Variants in CNTN4 observed in about 807,000 individuals in gnomAD.
CNTN4 encodes the protein contactin 4.
In CNTN4, 77 loss-of-function variants were observed where a neutral mutation model predicts 122.5. The observed-to-expected ratio is 0.63, with a 90% CI of 0.52 to 0.76. CNTN4 has a LOEUF of 0.76. CNTN4 is among the 30% of genes least tolerant of loss of function. The pLI, the probability that CNTN4 is intolerant of heterozygous loss-of-function variation, is 0.00. For missense variants in CNTN4, 1,256 were observed against 1,259.1 expected, an observed-to-expected ratio of 1.00 and a Z score of 0.04; for synonymous variants, 512 against 447.0, an observed-to-expected ratio of 1.15 and a Z score of -1.83.
intron 3 of CNTN4, chr3:2,362,561 C>A: frequency 3.3e-6 from 2 of 602,790 alleles, no homozygotes; most frequent in Non-Finnish European, 6.2e-6. Context: ...ATTAACCAGG[C>A]TGAAGAAGAA....
At chr3:2,446,781 A>G (rs2048641310) in intron 3 of CNTN4, among the ~76,000 whole-genome samples, 1 of 152,222 alleles carries the variant, frequency 6.6e-6, no homozygotes, top group African/African-American at 2.4e-5. Flanking sequence ...TGCCTTAAAA[A>G]TGACAGTGCT....
chr3:2,426,610 T>C (rs1335359706), intron 3 of CNTN4, among the ~76,000 whole-genome samples: 2 of 152,212 alleles, frequency 1.3e-5, no homozygotes, highest in Admixed American at 1.3e-4. Flanking sequence ...GGATTCCTTC[T>C]TTTTCTATTG....
chr3:2,279,997 G>A (rs2041658319), intron 2 of CNTN4, among the ~76,000 whole-genome samples: 1 of 151,640 alleles, frequency 6.6e-6, no homozygotes, highest in African/African-American at 2.4e-5. Flanking sequence ...ATAGAGCTAG[G>A]TATAGATATA....
intron 4 of CNTN4, among the ~76,000 whole-genome samples, chr3:2,701,527 A>G (rs550261066): frequency 3.9e-5 from 6 of 152,130 alleles, no homozygotes; most frequent in Admixed American, 6.5e-5. Context: ...CACTTATCCA[A>G]TTTGTGTTTT....
chr3:2,923,220 A>T (rs550323614), intron 12 of CNTN4, among the ~76,000 whole-genome samples: 4 of 152,334 alleles, frequency 2.6e-5, no homozygotes, highest in African/African-American at 9.6e-5. Context: ...TTATATGTGT[A>T]GAAAGATACA....
intron 2 of CNTN4, among the ~76,000 whole-genome samples, chr3:2,229,437 A>G (rs2039403547): frequency 6.6e-6 from 1 of 152,306 alleles, no homozygotes; most frequent in South Asian, 2.1e-4. Context: ...ATTTCAGTTC[A>G]TAAAAGTCAT....
At chr3:2,837,047 T>C (rs1427688062) in intron 7 of CNTN4, among the ~76,000 whole-genome samples, 1 of 152,214 alleles carries the variant, frequency 6.6e-6, no homozygotes, top group East Asian at 1.9e-4. Context: ...CATTATACCA[T>C]GATTTCTACT....
rs144564592 is a variant in CNTN4 at position 2,179,131 on chromosome 3, C to G, written c.-145+78492C>G. Among the ~76,000 whole-genome samples the G allele has an allele frequency of 2.3e-3, 345 of 152,112 alleles. 3 individuals are homozygous for G. Among genetic ancestry groups the G allele is most frequent in the African/African-American group, 8.0e-3 (334 of 41,532 alleles). ...CAATTAATTTGCAGTTCACCAGTAA[C>G]CATCTGATTATCTCTAACAAAGCTG... On this transcript the variant is annotated intron_variant, in intron 2 of 24. Transcript: ENST00000418658.
At chr3:2,787,488 TTATTGCTATAAAA>T (rs2091874318) in intron 6 of CNTN4, among the ~76,000 whole-genome samples, 1 of 152,212 alleles carries the variant, frequency 6.6e-6, no homozygotes, top group Admixed American at 6.5e-5. Context: ...CATACCGGAA[TTATTGCTATAAAA>T]GCCATAGTGT....
intron 2 of CNTN4, among the ~76,000 whole-genome samples, chr3:2,312,518 T>C (rs2042950363): frequency 6.6e-6 from 1 of 152,004 alleles, no homozygotes; most frequent in Non-Finnish European, 1.5e-5. Flanking sequence ...AAAATTCTTA[T>C]CCCAGTGAGC....
At chr3:2,434,974 C>A (rs1489969247) in intron 3 of CNTN4, among the ~76,000 whole-genome samples, 2 of 152,108 alleles carry the variant, frequency 1.3e-5, no homozygotes, top group South Asian at 4.1e-4. Context: ...GAGAATAATT[C>A]TCTTATACCA....
intron 2 of CNTN4, among the ~76,000 whole-genome samples, chr3:2,119,977 C>T (rs2033613063): frequency 6.6e-6 from 1 of 152,044 alleles, no homozygotes; most frequent in Non-Finnish European, 1.5e-5. Flanking sequence ...AGAAAGGCTT[C>T]TTGGTAAATG....
chr3:2,679,663 C>T (rs2085063717), intron 4 of CNTN4, among the ~76,000 whole-genome samples: 1 of 152,150 alleles, frequency 6.6e-6, no homozygotes, highest in South Asian at 2.1e-4. Context: ...AAGCGAGATC[C>T]AGTGGCCAGA....
chr3:2,823,150 C>A (rs1400122661), intron 7 of CNTN4, among the ~76,000 whole-genome samples: 2 of 152,164 alleles, frequency 1.3e-5, no homozygotes, highest in East Asian at 1.9e-4. Context: ...CTGTGTGTCA[C>A]CCTAAAGCGA....
chr3:2,457,380 A>G (rs1227695532), intron 3 of CNTN4, among the ~76,000 whole-genome samples: 1 of 152,186 alleles, frequency 6.6e-6, no homozygotes, highest in African/African-American at 2.4e-5. Flanking sequence ...TTATATAACA[A>G]ACAACAAAAA....
At chr3:2,924,757 G>A (rs1005042723) in intron 12 of CNTN4, among the ~76,000 whole-genome samples, 18 of 152,208 alleles carry the variant, frequency 1.2e-4, no homozygotes, top group African/African-American at 4.3e-4. Flanking sequence ...TCCTAAATGA[G>A]CCAAGCATTG....
At chr3:2,497,561 G>C (rs754893422) in intron 3 of CNTN4, among the ~76,000 whole-genome samples, 7 of 152,154 alleles carry the variant, frequency 4.6e-5, no homozygotes, top group Non-Finnish European at 8.8e-5. Flanking sequence ...TGAGGATTTA[G>C]GGGTGGGAGT....
At chr3:2,925,492 G>C in intron 12 of CNTN4, 137 bp from the exon 13 acceptor site, 1 of 837,272 alleles carries the variant, frequency 1.2e-6, no homozygotes, top group Non-Finnish European at 1.8e-6. Flanking sequence ...GGCGGAGGTT[G>C]CAGTGAGCCA....
At chr3:2,514,723 C>T (rs999373339) in intron 3 of CNTN4, among the ~76,000 whole-genome samples, 2 of 152,142 alleles carry the variant, frequency 1.3e-5, no homozygotes, top group Admixed American at 1.3e-4. Flanking sequence ...GTGATCCTTC[C>T]GAGGTTAAGA....
Sources: allele counts gnomAD v4.1 joint callset (sites outside exome capture counted in the v4.1 genomes callset), GRCh38; gene constraint gnomAD v4.1.1; transcripts MANE v1.5; gene names NCBI Gene and HGNC (gene_info 2026-07-23, HGNC 2026-07-21).